Variants in RAB2A observed in about 807,000 individuals in gnomAD.
The protein encoded by RAB2A is RAB2A, member RAS oncogene family.
RAB2A carries 7 observed loss-of-function variants against 32.5 expected under a neutral mutation model. The observed-to-expected ratio is 0.22, with a 90% CI of 0.12 to 0.40. The LOEUF (loss-of-function observed/expected upper bound fraction) is 0.40. RAB2A is among the 10% of genes least tolerant of loss of function. RAB2A has a pLI of 1.00. For missense variants in RAB2A, 108 were observed against 260.7 expected (o/e 0.41, Z 4.03); for synonymous variants, 79 against 85.2 (o/e 0.93, Z 0.40).
rs1374817637 is a variant in RAB2A at position 60,584,826 on chromosome 8, T to G, written c.362+11T>G. The G allele has an allele frequency of 1.3e-6, 2 of 1,584,842 alleles. No individual in the cohort carries two copies. Among genetic ancestry groups the G allele is most frequent in the East Asian group, 4.5e-5 (2 of 44,662 alleles). On this transcript the variant is annotated intron_variant, in intron 5 of 7. Coordinates refer to ENST00000262646, the MANE Select transcript of RAB2A (RefSeq NM_002865.3). Reference sequence around the variant, plus strand: ...TATTGGAAATAAAAGGTAAAAAGGCTAATTTAGAGCTTACATTGCATTAGT... The same window carrying G: ...TATTGGAAATAAAAGGTAAAAAGGCGAATTTAGAGCTTACATTGCATTAGT...
intron 1 of RAB2A, among the ~76,000 whole-genome samples, chr8:60,521,441 G>A (rs1043170939): frequency 1.3e-5 from 2 of 152,160 alleles, no homozygotes; most frequent in South Asian, 2.1e-4. Flanking sequence ...ACAAGGTTAT[G>A]TAGGGAAGAA....
rs1218407301 is a variant in RAB2A at position 60,592,080 on chromosome 8, T to C, written c.474+111T>C. Reference sequence around the variant, plus strand: ...TTAGTCGGATGGTCTTTGAACATCATAAAGTAGGAAAGTTTCTTCCCTTTG... The same window carrying C: ...TTAGTCGGATGGTCTTTGAACATCACAAAGTAGGAAAGTTTCTTCCCTTTG... On this transcript the variant is annotated intron_variant, in intron 6 of 7. Transcript: ENST00000262646. The C allele has an allele frequency of 3.8e-5, 22 of 572,730 alleles. 1 individual carries two copies. In the East Asian group the frequency reaches 6.5e-4, roughly 17 times the overall value. The allele number at this position is 572,730 out of a possible 1,614,324, so 35.5% of individuals were successfully genotyped here.
At chr8:60,584,095 T>C in intron 3 of RAB2A, 113 bp from the exon 4 acceptor site, 1 of 833,906 alleles carries the variant, frequency 1.2e-6, no homozygotes, top group Non-Finnish European at 2.0e-6. Flanking sequence ...TAAGTTTTCT[T>C]GTCTCTCTTT....
At position 60,553,658 on chromosome 8, in the gene RAB2A, A is replaced by G. The variant is rs574647063; in HGVS notation, c.47-5194A>G. Among the ~76,000 whole-genome samples, 111 of 152,252 alleles carry G rather than the reference A, an allele frequency of 7.3e-4. 1 individual carries two copies. The highest frequency in any genetic ancestry group is 1.4e-3 in the Non-Finnish European group (94 of 68,014). On this transcript the variant is annotated intron_variant, in intron 1 of 7. Transcript: ENST00000262646. ...GGTGTAGAGATTTCCTCCATTTTATAGATAAGGATTCTAAGGCTCAGAAAG... is the reference window on the plus strand; with the variant it reads ...GGTGTAGAGATTTCCTCCATTTTATGGATAAGGATTCTAAGGCTCAGAAAG...
At chr8:60,554,707 G>A (rs1807907504) in intron 1 of RAB2A, among the ~76,000 whole-genome samples, 1 of 152,190 alleles carries the variant, frequency 6.6e-6, no homozygotes, top group Admixed American at 6.5e-5. Context: ...CAAAAAATTA[G>A]CTGGGCTTGG....
At chr8:60,542,313 A>G (rs1807658180) in intron 1 of RAB2A, among the ~76,000 whole-genome samples, 1 of 152,194 alleles carries the variant, frequency 6.6e-6, no homozygotes, top group Non-Finnish European at 1.5e-5. Flanking sequence ...CAGGAGATCG[A>G]GACCATTGTG....
intron 6 of RAB2A, among the ~76,000 whole-genome samples, chr8:60,616,775 C>G (rs961516610): frequency 6.6e-6 from 1 of 152,176 alleles, no homozygotes; most frequent in Non-Finnish European, 1.5e-5. Context: ...GTGCTCCTGC[C>G]GCAGACGTTC....
chr8:60,547,352 C>G (rs1377702084), intron 1 of RAB2A, among the ~76,000 whole-genome samples: 1 of 152,246 alleles, frequency 6.6e-6, no homozygotes, highest in Admixed American at 6.5e-5. Context: ...CACCTTTCCC[C>G]CCTTTCTATT....
At chr8:60,587,062 A>T in intron 5 of RAB2A, among the ~76,000 whole-genome samples, 1 of 152,238 alleles carries the variant, frequency 6.6e-6, no homozygotes, top group East Asian at 1.9e-4. Flanking sequence ...GGAATAGCCA[A>T]ATCAACTTTG....
At chr8:60,576,232 A>G (rs956027072) in intron 3 of RAB2A, 11 of 456,188 alleles carry the variant, frequency 2.4e-5, no homozygotes, top group Middle Eastern at 6.5e-4. Context: ...CTTTTCTGCC[A>G]GGGGAAGTCA....
intron 3 of RAB2A, 102 bp from the exon 4 acceptor site, chr8:60,584,106 A>T: frequency 1.1e-6 from 1 of 921,884 alleles, no homozygotes; most frequent in Non-Finnish European, 1.7e-6. Flanking sequence ...GTCTCTCTTT[A>T]TGCACTCCTT....
chr8:60,518,680 A>C lies in RAB2A; in HGVS notation c.46+1427A>C, dbSNP rs147865106. Among the ~76,000 whole-genome samples the C allele has an allele frequency of 9.7e-4, 146 of 150,852 alleles. 1 individual carries two copies. The highest frequency in any genetic ancestry group is 1.8e-3 in the Non-Finnish European group (123 of 67,854). ...TCTGCTAGATACATGAGTTTTCAGC[A>C]AGGTTTTCTGATGCGTGCGTGCGTG... On this transcript the variant is annotated intron_variant, in intron 1 of 7. Transcript: ENST00000262646.
At chr8:60,592,209 CT>C in intron 6 of RAB2A, 1 of 283,258 alleles carries the variant, frequency 3.5e-6, no homozygotes. Context: ...CACTCCCTCC[CT>C]TTTTCTAAAC....
chr8:60,554,555 A>T (rs1586079579), intron 1 of RAB2A, among the ~76,000 whole-genome samples: 2 of 152,222 alleles, frequency 1.3e-5, no homozygotes, highest in South Asian at 4.1e-4. Context: ...AGCTGAAGGT[A>T]TTGAAGTGTA....
chr8:60,550,382 T>G (rs1807827447), intron 1 of RAB2A, among the ~76,000 whole-genome samples: 1 of 151,976 alleles, frequency 6.6e-6, no homozygotes, highest in Non-Finnish European at 1.5e-5. Flanking sequence ...GTTCACGGTT[T>G]TTTTTGTCTT....
chr8:60,526,312 C>A (rs927252661), intron 1 of RAB2A, among the ~76,000 whole-genome samples: 2 of 152,090 alleles, frequency 1.3e-5, no homozygotes, highest in Non-Finnish European at 2.9e-5. Context: ...TTCCCGACTT[C>A]TAGAGTCCAC....
chr8:60,584,391 C>T (rs3735826), intron 4 of RAB2A, 101 bp downstream of exon 4: 437,365 of 978,784 alleles, frequency 0.45, 106,064 homozygotes, highest in African/African-American at 0.83. Flanking sequence ...CTTTCTGCCC[C>T]GGCTACTCAC....
At chr8:60,522,553 G>C (rs1807317463) in intron 1 of RAB2A, among the ~76,000 whole-genome samples, 1 of 152,054 alleles carries the variant, frequency 6.6e-6, no homozygotes, top group Non-Finnish European at 1.5e-5. Flanking sequence ...ATCACACATA[G>C]TATTGGTGGT....
intron 1 of RAB2A, among the ~76,000 whole-genome samples, chr8:60,550,467 C>T (rs1016293697): frequency 5.3e-5 from 8 of 150,354 alleles, no homozygotes; most frequent in African/African-American, 1.5e-4. Context: ...TCGCTGCAAC[C>T]TCCACCTCCC....
Sources: allele counts gnomAD v4.1 joint callset (sites outside exome capture counted in the v4.1 genomes callset), GRCh38; gene constraint gnomAD v4.1.1; transcripts MANE v1.5; gene names NCBI Gene and HGNC (gene_info 2026-07-23, HGNC 2026-07-21).